The following UNC13B variants were observed in gnomAD, a reference collection of about 807,000 sequenced individuals.
The protein encoded by UNC13B is unc-13 homolog B.
A neutral mutation model predicts 211.0 loss-of-function variants in UNC13B; 144 were observed. The ratio of observed to expected loss-of-function variants is 0.68; its 90% CI spans 0.60 to 0.78. The LOEUF is 0.78. Among genes scored for constraint, UNC13B ranks in the 30% least tolerant of loss-of-function variants. The probability of loss-of-function intolerance (pLI) is 0.00; values close to 1 mark genes in which losing one functional copy is unlikely to be tolerated. For missense variants in UNC13B, 1,777 were observed against 2,002.0 expected, an observed-to-expected ratio of 0.89 and a Z score of 2.14; for synonymous variants, 709 against 725.8, an observed-to-expected ratio of 0.98 and a Z score of 0.37.
rs748402321 is a variant in UNC13B at position 35,400,282 on chromosome 9, C to T, written c.12337-14C>T. ...AGGGGATGAAGCAGTCACGGGTGCT[C>T]TTTTATCTTGCAGCAATACTTCCAT... On this transcript the variant is annotated splice_polypyrimidine_tract_variant and intron_variant, in intron 36 of 39. Coordinates refer to ENST00000635942, the MANE Select transcript of UNC13B (RefSeq NM_001371189.2). 3 of 1,613,060 alleles carry T rather than the reference C, an allele frequency of 1.9e-6. No individual in the cohort carries two copies. Among genetic ancestry groups the T allele is most frequent in the Admixed American group, 1.7e-5 (1 of 59,974 alleles).
At chr9:35,393,383 G>A (rs78665998) in intron 26 of UNC13B, among the ~76,000 whole-genome samples, 1 of 152,040 alleles carries the variant, frequency 6.6e-6, no homozygotes, top group Non-Finnish European at 1.5e-5. Context: ...TTCAAGCAGA[G>A]GCTACAGCAT....
At chr9:35,209,399 A>G (rs1168002172) in intron 1 of UNC13B, among the ~76,000 whole-genome samples, 1 of 151,742 alleles carries the variant, frequency 6.6e-6, no homozygotes, top group African/African-American at 2.4e-5. Flanking sequence ...TATTTTTAAA[A>G]TAGAGTCTTG....
At chr9:35,370,519 A>G (rs750237136) in intron 13 of UNC13B, 123 bp downstream of exon 13, 21 of 862,882 alleles carry the variant, frequency 2.4e-5, no homozygotes, top group Non-Finnish European at 3.6e-5. Flanking sequence ...ATGATCAATC[A>G]TTTAAAGCCT....
chr9:35,289,837 C>A (rs1018608115), intron 7 of UNC13B, among the ~76,000 whole-genome samples: 1 of 151,982 alleles, frequency 6.6e-6, no homozygotes, highest in Non-Finnish European at 1.5e-5. Context: ...ATTAGCCAGG[C>A]GTGTTGGTAG....
At chr9:35,384,431 C>A in intron 22 of UNC13B, 117 bp downstream of exon 22, 1 of 1,476,498 alleles carries the variant, frequency 6.8e-7, no homozygotes, top group East Asian at 2.3e-5. Flanking sequence ...TGTGTCATCA[C>A]ATCCACCCAA....
chr9:35,292,946 A>T lies in UNC13B; in HGVS notation c.527-2750A>T, dbSNP rs564794437. On this transcript the variant is annotated intron_variant, in intron 7 of 39. Transcript: ENST00000635942. Reference sequence around the variant, plus strand: ...GAGGCAGTAAGAGATCGTCAGTGACACATTAAAAACACAGTTATTTAATTC... The same window carrying T: ...GAGGCAGTAAGAGATCGTCAGTGACTCATTAAAAACACAGTTATTTAATTC... 9.2e-5 allele frequency among the ~76,000 whole-genome samples: 14 copies of T among 152,376 alleles called. No individual in the cohort carries two copies. The South Asian group carries it at 1.2e-3, about 14-fold the overall frequency.
rs1448122923 is a variant in UNC13B, at chr9:35,301,539, G to A, written c.2135G>A (p.Ser712Asn). The A allele has an allele frequency of 1.5e-5, 6 of 398,776 alleles. No homozygotes were observed. In the Admixed American group the frequency reaches 1.8e-4, roughly 12 times the overall value. 24.7% of individuals were successfully genotyped at this position (398,776 alleles called of 1,614,324 possible). A position where few individuals can be genotyped will look rare whatever the true frequency, so the allele number is the denominator to read the frequency against. ...YSSSIIALNG[S>N]DEETTGWFQM... is the part of the protein sequence containing the mutation. ...AGTAGCATCATTGCTTTAAATGGGA[G>A]TGATGAAGAAACTACGGGCTGGTTC... The change falls in exon 9 of 40, where the codon AGT becomes AAT. Residue 712 changes from serine to asparagine, a missense_variant. By Grantham distance (46) the Ser-to-Asn change is conservative (BLOSUM62 1). Transcript: ENST00000635942.
At chr9:35,228,099 G>A in intron 2 of UNC13B, 55 bp downstream of exon 2, 2 of 1,470,098 alleles carry the variant, frequency 1.4e-6, no homozygotes, top group Non-Finnish European at 1.8e-6. Context: ...TTATTTCAAA[G>A]CAATTTAAAA....
intron 18 of UNC13B, 74 bp downstream of exon 18, chr9:35,380,713 A>G: frequency 6.3e-7 from 1 of 1,580,694 alleles, no homozygotes; most frequent in South Asian, 1.1e-5. Flanking sequence ...TCCTTCTACC[A>G]AAACCACCAT....
intron 11 of UNC13B, among the ~76,000 whole-genome samples, chr9:35,322,347 C>T (rs967437316): frequency 6.6e-6 from 1 of 151,558 alleles, no homozygotes; most frequent in Non-Finnish European, 1.5e-5. Context: ...GCGGTGGCAG[C>T]GGGTGGGTGG....
chr9:35,245,911 C>T (rs1032231851), intron 6 of UNC13B, among the ~76,000 whole-genome samples: 1 of 152,154 alleles, frequency 6.6e-6, no homozygotes, highest in Non-Finnish European at 1.5e-5. Flanking sequence ...TTCTAGATCC[C>T]TGAGGAATCG....
intron 11 of UNC13B, among the ~76,000 whole-genome samples, chr9:35,334,499 A>G (rs1206180206): frequency 6.6e-6 from 1 of 152,230 alleles, no homozygotes; most frequent in Non-Finnish European, 1.5e-5. Flanking sequence ...ATTCACCTGG[A>G]GTATCTTCTC....
At chr9:35,392,891 T>C (rs1835629832) in intron 26 of UNC13B, among the ~76,000 whole-genome samples, 1 of 152,098 alleles carries the variant, frequency 6.6e-6, no homozygotes, top group East Asian at 1.9e-4. Flanking sequence ...TCAACATTAT[T>C]AAGGTATCAT....
At chr9:35,333,338 A>G (rs1831473746) in intron 11 of UNC13B, among the ~76,000 whole-genome samples, 2 of 152,160 alleles carry the variant, frequency 1.3e-5, no homozygotes, top group East Asian at 1.9e-4. Context: ...TATAGTCTCA[A>G]CAGAGCCTGA....
chr9:35,276,757 A>G (rs1828200784), intron 7 of UNC13B, among the ~76,000 whole-genome samples: 1 of 152,174 alleles, frequency 6.6e-6, no homozygotes, highest in Admixed American at 6.5e-5. Flanking sequence ...AGTTTCGTGT[A>G]TATTCCCCCA....
intron 11 of UNC13B, among the ~76,000 whole-genome samples, chr9:35,356,037 TAGA>T: frequency 6.6e-6 from 1 of 152,266 alleles, no homozygotes; most frequent in Non-Finnish European, 1.5e-5. Context: ...TCTTGATGAA[TAGA>T]AGGAGGTTTT....
Position 35,403,787 on chromosome 9 carries a change from G to T in UNC13B, c.12777G>T (p.Leu4259Phe), listed in dbSNP as rs1836502247. 3 of 1,614,138 alleles carry T rather than the reference G, an allele frequency of 1.9e-6. No homozygotes were observed. Among genetic ancestry groups the T allele is most frequent in the Non-Finnish European group, 2.5e-6 (3 of 1,180,002 alleles). ...AGGAGGGGCCCGAGTCCTATGAGTT[G>T]CAGATATGCGTGAAGGATTACTGCT... ...GNEEGPESYE[L>F]QICVKDYCFA... Residue 4259 changes from leucine (L) to phenylalanine (F), a missense_variant, in exon 40 of 40, where the codon TTG becomes TTT. Coordinates refer to ENST00000635942, the MANE Select transcript of UNC13B (RefSeq NM_001371189.2).
chr9:35,321,587 ATTTC>A, intron 11 of UNC13B, among the ~76,000 whole-genome samples: 1 of 152,262 alleles, frequency 6.6e-6, no homozygotes, highest in African/African-American at 2.4e-5. Flanking sequence ...ATTTCTGATT[ATTTC>A]TTTAACTTAA....
At chr9:35,358,982 G>A (rs956647783) in intron 11 of UNC13B, among the ~76,000 whole-genome samples, 3 of 151,946 alleles carry the variant, frequency 2.0e-5, no homozygotes, top group Non-Finnish European at 4.4e-5. Context: ...TTAGAGGCTT[G>A]AGCCACCACG....
Sources: gnomAD v4.1 joint callset for allele counts (sites outside exome capture counted in the v4.1 genomes callset) on GRCh38, gnomAD v4.1.1 for gene constraint, MANE v1.5 for transcripts, NCBI Gene and HGNC (gene_info 2026-07-23, HGNC 2026-07-21) for gene names.